The following LINGO2 variants were observed in gnomAD, a reference collection of about 807,000 sequenced individuals.
The protein encoded by LINGO2 is leucine-rich repeat and immunoglobulin-like domain-containing nogo receptor-interacting protein 2.
LINGO2 carries 14 observed loss-of-function variants against 30.6 expected under a neutral mutation model. The ratio of observed to expected loss-of-function variants is 0.46; its 90% CI spans 0.30 to 0.72. The LOEUF (loss-of-function observed/expected upper bound fraction) is 0.72. Among genes scored for constraint, LINGO2 ranks in the 30% least tolerant of loss-of-function variants. LINGO2 has a pLI of 0.07. For synonymous variants in LINGO2, 317 were observed against 288.5 expected (o/e 1.10, Z -1.00); for missense variants, 729 against 751.7 (o/e 0.97, Z 0.35).
chr9:28,847,416 T>A, the LINGO2 span, among the ~76,000 whole-genome samples: 1 of 147,420 alleles, frequency 6.8e-6, no homozygotes, highest in Non-Finnish European at 1.5e-5. Flanking sequence ...CAGGGTTTAA[T>A]TTATGGCACG....
chr9:28,303,330 G>C (rs1315695000), intron 3 of LINGO2, among the ~76,000 whole-genome samples: 1 of 152,178 alleles, frequency 6.6e-6, no homozygotes, highest in African/African-American at 2.4e-5. Flanking sequence ...GGGAAGGAAA[G>C]ACCTTCTTTC....
intron 4 of LINGO2, among the ~76,000 whole-genome samples, chr9:28,225,952 T>A (rs1452638241): frequency 1.3e-5 from 2 of 152,168 alleles, no homozygotes; most frequent in African/African-American, 4.8e-5. Context: ...CTCTCCAGTA[T>A]GGCAATCATT....
intron 4 of LINGO2, among the ~76,000 whole-genome samples, chr9:28,229,150 T>A (rs937008250): frequency 3.3e-5 from 5 of 151,824 alleles, no homozygotes; most frequent in African/African-American, 1.2e-4. Flanking sequence ...ATAACATACA[T>A]ATTTACAAAG....
intron 1 of LINGO2, among the ~76,000 whole-genome samples, chr9:28,646,946 G>T (rs1001395838): frequency 2.6e-5 from 4 of 152,038 alleles, no homozygotes; most frequent in Admixed American, 2.6e-4. Flanking sequence ...GAGAACATAG[G>T]TCAGTTTCTG....
At chr9:28,444,399 T>TG (rs1424498129) in intron 2 of LINGO2, among the ~76,000 whole-genome samples, 2 of 152,182 alleles carry the variant, frequency 1.3e-5, no homozygotes, top group African/African-American at 4.8e-5. Context: ...GCAGTGGGGC[T>TG]GGGCAAGCCC....
intron 1 of LINGO2, among the ~76,000 whole-genome samples, chr9:28,594,539 C>G (rs1282423007): frequency 6.6e-6 from 1 of 152,070 alleles, no homozygotes; most frequent in Admixed American, 6.6e-5. Flanking sequence ...TCTTCTGGAA[C>G]TGGTATTTTA....
chr9:28,923,801 A>G, the LINGO2 span, among the ~76,000 whole-genome samples: 1 of 152,210 alleles, frequency 6.6e-6, no homozygotes, highest in African/African-American at 2.4e-5. Flanking sequence ...GAGCTACTCT[A>G]TAAAATAGGC....
the LINGO2 span, among the ~76,000 whole-genome samples, chr9:28,943,083 C>T: frequency 6.6e-6 from 1 of 152,246 alleles, no homozygotes; most frequent in South Asian, 2.1e-4. Flanking sequence ...ATATAATAAG[C>T]TTGCATTCTG....
At chr9:29,064,858 C>G in the LINGO2 span, among the ~76,000 whole-genome samples, 1 of 152,012 alleles carries the variant, frequency 6.6e-6, no homozygotes, top group Non-Finnish European at 1.5e-5. Flanking sequence ...TTAATTTATA[C>G]TTTCATATTT....
chr9:28,806,385 T>C, the LINGO2 span, among the ~76,000 whole-genome samples: 5 of 152,200 alleles, frequency 3.3e-5, no homozygotes, highest in Admixed American at 6.5e-5. Context: ...CTCTGCTCTC[T>C]GGAAATTCCT....
the LINGO2 span, among the ~76,000 whole-genome samples, chr9:28,811,341 T>G: frequency 1.3e-5 from 2 of 152,154 alleles, no homozygotes; most frequent in African/African-American, 4.8e-5. Context: ...CTTATCTAGT[T>G]AATTCCCAGA....
the LINGO2 span, among the ~76,000 whole-genome samples, chr9:29,149,177 C>T: frequency 6.6e-6 from 1 of 152,042 alleles, no homozygotes; most frequent in African/African-American, 2.4e-5. Context: ...ACAATTCTGA[C>T]CCATAAGAAA....
At chr9:28,967,355 G>A in the LINGO2 span, among the ~76,000 whole-genome samples, 1 of 152,100 alleles carries the variant, frequency 6.6e-6, no homozygotes, top group African/African-American at 2.4e-5. Flanking sequence ...AGTCAGTGTT[G>A]GAGAATACAA....
At position 28,173,143 on chromosome 9, in the gene LINGO2, A is replaced by G. The variant is rs75139319; in HGVS notation, c.-87+122065T>C. On this transcript the variant is annotated intron_variant, in intron 4 of 5. Coordinates refer to ENST00000379992, the Ensembl canonical transcript of LINGO2. ...GCTTAAAGATTTCAAGGTCTGTTAT[A>G]TATATATACACATACAAATGAGATG... 5.8e-3 allele frequency among the ~76,000 whole-genome samples: 884 copies of G among 152,308 alleles called. 10 individuals are homozygous for G. The highest frequency in any genetic ancestry group is 0.02 in the African/African-American group (851 of 41,576).
At chr9:28,134,594 C>G (rs2133459455) in intron 4 of LINGO2, among the ~76,000 whole-genome samples, 1 of 152,224 alleles carries the variant, frequency 6.6e-6, no homozygotes, top group South Asian at 2.1e-4. Context: ...GAGCACAACA[C>G]AGATACACTC....
chr9:29,133,596 T>C, the LINGO2 span, among the ~76,000 whole-genome samples: 1 of 152,154 alleles, frequency 6.6e-6, no homozygotes, highest in Non-Finnish European at 1.5e-5. Context: ...CCATCATTTT[T>C]TTTAAAATGC....
intron 1 of LINGO2, among the ~76,000 whole-genome samples, chr9:28,655,157 C>A (rs908933768): frequency 3.3e-5 from 5 of 151,988 alleles, no homozygotes; most frequent in Non-Finnish European, 5.9e-5. Flanking sequence ...AAGAGTTGAT[C>A]GTTTTATAAG....
the LINGO2 span, among the ~76,000 whole-genome samples, chr9:29,185,296 T>C: frequency 6.6e-6 from 1 of 151,948 alleles, no homozygotes; most frequent in Non-Finnish European, 1.5e-5. Context: ...TGGAACAAAG[T>C]AAGTCTCAAG....
rs1826350867 is a variant in LINGO2, at chr9:28,490,436, T to G, written c.-364-14411A>C. Among the ~76,000 whole-genome samples, 6 of 152,196 alleles carry G rather than the reference T, an allele frequency of 3.9e-5. No homozygotes were observed. In the South Asian group the frequency reaches 1.2e-3, roughly 31 times the overall value. On this transcript the variant is annotated intron_variant, in intron 1 of 5. Coordinates refer to ENST00000379992, the Ensembl canonical transcript of LINGO2. ...CTTGGGTGAACTAGGAATGTGCATT[T>G]TAAAAACTTCCCAGGTAAATCTCAT...
Sources: gnomAD v4.1 joint callset for allele counts (sites outside exome capture counted in the v4.1 genomes callset) on GRCh38, gnomAD v4.1.1 for gene constraint, MANE v1.5 for transcripts, NCBI Gene and HGNC (gene_info 2026-07-23, HGNC 2026-07-21) for gene names.